Variants in SLC35F3 observed in about 807,000 individuals in gnomAD.
SLC35F3 encodes putative thiamine transporter SLC35F3.
SLC35F3 carries 25 observed loss-of-function variants against 49.9 expected under a neutral mutation model. The observed-to-expected ratio is 0.50, with a 90% CI of 0.37 to 0.70. The LOEUF (loss-of-function observed/expected upper bound fraction) is 0.70, where lower values mean the gene tolerates loss of function less well. Ranked by LOEUF, SLC35F3 falls within the 30% of genes least tolerant of loss-of-function variation. SLC35F3 has a pLI of 0.00. For missense variants in SLC35F3, 525 were observed against 639.8 expected, an observed-to-expected ratio of 0.82 and a Z score of 1.94; for synonymous variants, 275 against 265.4, an observed-to-expected ratio of 1.04 and a Z score of -0.35.
chr1:234,200,177 CTG>C (rs2102934119), intron 2 of SLC35F3, among the ~76,000 whole-genome samples: 1 of 152,230 alleles, frequency 6.6e-6, no homozygotes, highest in East Asian at 1.9e-4. Flanking sequence ...AAAAAAATGT[CTG>C]TGTTCTCATG....
At chr1:233,926,036 C>A (rs879558890) in intron 2 of SLC35F3, among the ~76,000 whole-genome samples, 58 of 152,162 alleles carry the variant, frequency 3.8e-4, no homozygotes, top group Non-Finnish European at 7.5e-4. Flanking sequence ...TTGTGGGTAA[C>A]CCAACCTTTC....
intron 2 of SLC35F3, among the ~76,000 whole-genome samples, chr1:234,130,363 G>A (rs545925209): frequency 3.3e-5 from 5 of 152,076 alleles, no homozygotes; most frequent in East Asian, 1.9e-4. Context: ...ACTCTCGGCC[G>A]GGTGCAGTGG....
At chr1:234,158,935 A>G (rs921704879) in intron 2 of SLC35F3, among the ~76,000 whole-genome samples, 3 of 152,216 alleles carry the variant, frequency 2.0e-5, no homozygotes, top group Admixed American at 6.5e-5. Flanking sequence ...TCCCCATAGT[A>G]GACCATACTT....
intron 2 of SLC35F3, among the ~76,000 whole-genome samples, chr1:234,077,028 C>T (rs1169609549): frequency 7.3e-6 from 1 of 137,704 alleles, no homozygotes; most frequent in African/African-American, 2.7e-5. Flanking sequence ...GACGGAGTCT[C>T]GCTCTGTCGC....
chr1:234,071,383 A>C (rs1321588647), intron 2 of SLC35F3, among the ~76,000 whole-genome samples: 1 of 152,008 alleles, frequency 6.6e-6, no homozygotes, highest in African/African-American at 2.4e-5. Flanking sequence ...GCTTGTTCCC[A>C]TCCTGGTTTC....
chr1:234,105,874 T>C (rs1665277615), intron 2 of SLC35F3, among the ~76,000 whole-genome samples: 1 of 152,212 alleles, frequency 6.6e-6, no homozygotes, highest in African/African-American at 2.4e-5. Flanking sequence ...ATGTTACTTC[T>C]GGGTAGAAGC....
chr1:234,086,571 A>G (rs941212207), intron 2 of SLC35F3, among the ~76,000 whole-genome samples: 12 of 152,260 alleles, frequency 7.9e-5, no homozygotes, highest in African/African-American at 2.9e-4. Flanking sequence ...ATCCTACAAA[A>G]TCCTTCACAT....
chr1:234,253,782 G>A (rs546595952), intron 3 of SLC35F3, among the ~76,000 whole-genome samples: 1 of 152,188 alleles, frequency 6.6e-6, no homozygotes, highest in African/African-American at 2.4e-5. Context: ...GCCAAATAAG[G>A]TCAAGAGCAG....
At chr1:234,080,323 C>A (rs1017339388) in intron 2 of SLC35F3, among the ~76,000 whole-genome samples, 1 of 152,126 alleles carries the variant, frequency 6.6e-6, no homozygotes, top group Non-Finnish European at 1.5e-5. Flanking sequence ...TATTACATTA[C>A]AGTATCACAG....
chr1:234,062,741 G>A (rs567321446), intron 2 of SLC35F3, among the ~76,000 whole-genome samples: 43 of 150,636 alleles, frequency 2.9e-4, no homozygotes, highest in Admixed American at 5.3e-4. Context: ...GTACAGTGGC[G>A]CAATCTCCTT....
At chr1:234,122,474 T>A (rs1665590434) in intron 2 of SLC35F3, among the ~76,000 whole-genome samples, 1 of 152,222 alleles carries the variant, frequency 6.6e-6, no homozygotes, top group Non-Finnish European at 1.5e-5. Context: ...AATTTTACTT[T>A]AAGTTCCAGG....
At position 234,214,298 on chromosome 1, in the gene SLC35F3, T is replaced by TGCAGGGCGGCCGCCGCAGTGA; in HGVS notation, c.284-17115_284-17095dup. On this transcript the variant is annotated intron_variant, in intron 2 of 7. Coordinates refer to ENST00000366618, the MANE Select transcript of SLC35F3 (RefSeq NM_173508.4). The surrounding 1 kb of genome is among the most constrained non-coding windows in gnomAD (Gnocchi z 8.0). ...CTGCGCGGCCGGGGAGGATGTGCGC[T>TGCAGGGCGGCCGCCGCAGTGA]GCAGGGCGGCCGCCGCAGTGAGCAA... The TGCAGGGCGGCCGCCGCAGTGA allele has an allele frequency of 7.7e-7, 1 of 1,294,096 alleles. No homozygotes were observed. The highest frequency in any genetic ancestry group is 2.4e-5 in the South Asian group (1 of 41,750). The allele number at this position is 1,294,096 out of a possible 1,614,324, so 80.2% of individuals were successfully genotyped here.
intron 2 of SLC35F3, among the ~76,000 whole-genome samples, chr1:234,130,083 TA>T (rs1200309281): frequency 6.6e-6 from 1 of 152,108 alleles, no homozygotes; most frequent in East Asian, 1.9e-4. Flanking sequence ...ACACAAGCCA[TA>T]AACTGCAAGA....
chr1:234,309,813 A>C (rs960365473), intron 4 of SLC35F3, among the ~76,000 whole-genome samples: 1 of 152,248 alleles, frequency 6.6e-6, no homozygotes, highest in African/African-American at 2.4e-5. Flanking sequence ...GGCCTTGTGT[A>C]CACAGCCAGA....
At chr1:233,976,799 C>T (rs1663092489) in intron 2 of SLC35F3, among the ~76,000 whole-genome samples, 3 of 152,260 alleles carry the variant, frequency 2.0e-5, no homozygotes, top group South Asian at 2.1e-4. Context: ...TTAGTAGAGA[C>T]ATGGTTTCAC....
intron 3 of SLC35F3, among the ~76,000 whole-genome samples, chr1:234,304,286 C>T (rs1668743768): frequency 6.6e-6 from 1 of 152,054 alleles, no homozygotes; most frequent in African/African-American, 2.4e-5. Context: ...CTCAGCCTCC[C>T]AAGTAGCTGG....
chr1:234,034,365 A>G (rs1664108730), intron 2 of SLC35F3, among the ~76,000 whole-genome samples: 1 of 152,032 alleles, frequency 6.6e-6, no homozygotes, highest in Admixed American at 6.6e-5. Context: ...TCCAGCTAGG[A>G]CTTCCAGTAC....
At chr1:233,913,086 G>A (rs761029752) in intron 2 of SLC35F3, among the ~76,000 whole-genome samples, 4 of 152,226 alleles carry the variant, frequency 2.6e-5, no homozygotes, top group Non-Finnish European at 5.9e-5. Context: ...AGATCAGTTT[G>A]CAGTGCCTGG....
At chr1:233,941,962 G>GTTTTTTTTTTTTTTTTT (rs547024039) in intron 2 of SLC35F3, among the ~76,000 whole-genome samples, 1 of 118,956 alleles carries the variant, frequency 8.4e-6, no homozygotes, top group Non-Finnish European at 1.8e-5. Flanking sequence ...TTGTTTTTTT[G>GTTTTTTTTTTTTTTTTT]TTTTTTTTTT....
Sources: allele counts gnomAD v4.1 joint callset (sites outside exome capture counted in the v4.1 genomes callset), GRCh38; gene constraint gnomAD v4.1.1; non-coding constraint Gnocchi (gnomAD v3.1); transcripts MANE v1.5; gene names NCBI Gene and HGNC (gene_info 2026-07-23, HGNC 2026-07-21).